Variants in DOCK4 observed in about 807,000 individuals in gnomAD.
DOCK4 encodes dedicator of cytokinesis 4, also known as dedicator of cytokinesis protein 4.
A neutral mutation model predicts 268.1 loss-of-function variants in DOCK4; 97 were observed. That is an observed-to-expected ratio of 0.36 (90% CI 0.31 to 0.43). The LOEUF is 0.43. Ranked by LOEUF, DOCK4 falls within the 20% of genes least tolerant of loss-of-function variation. DOCK4 has a pLI of 1.00. For missense variants in DOCK4, 2,145 were observed against 2,455.7 expected (o/e 0.87, Z 2.67); for synonymous variants, 954 against 887.2 (o/e 1.08, Z -1.34).
At chr7:112,057,867 A>G (rs1805977537) in intron 1 of DOCK4, among the ~76,000 whole-genome samples, 1 of 151,898 alleles carries the variant, frequency 6.6e-6, no homozygotes, top group Non-Finnish European at 1.5e-5. Flanking sequence ...AAGGTTTTAT[A>G]AAACTAAAAA....
At position 112,039,372 on chromosome 7, in the gene DOCK4, A is replaced by AT. The variant is rs564105311; in HGVS notation, c.38-35242dup. On this transcript the variant is annotated intron_variant, in intron 1 of 52. Coordinates refer to ENST00000428084, the MANE Select transcript of DOCK4 (RefSeq NM_001363540.2). ...CTGAAGGTTTTAAAGAGGATTTCAT[A>AT]TGGGGGGGGGGGCTTAAAGATGCAG... is the stretch of plus-strand genomic sequence containing the variant. 5.9e-3 allele frequency among the ~76,000 whole-genome samples: 657 copies of AT among 112,138 alleles called. 9 individuals are homozygous for AT. The highest frequency in any genetic ancestry group is 0.021 in the African/African-American group (594 of 27,990). The allele number at this position is 112,138 out of a possible 152,430, so 73.6% of individuals were successfully genotyped here.
intron 1 of DOCK4, among the ~76,000 whole-genome samples, chr7:112,187,867 T>C (rs1370644996): frequency 6.6e-6 from 1 of 152,120 alleles, no homozygotes; most frequent in Non-Finnish European, 1.5e-5. Context: ...TCCCTTTTTT[T>C]CACAACTGAA....
intron 2 of DOCK4, among the ~76,000 whole-genome samples, chr7:112,001,030 G>A (rs1394903919): frequency 7.9e-5 from 12 of 152,140 alleles, no homozygotes; most frequent in South Asian, 4.1e-4. Flanking sequence ...CAGTCATGAC[G>A]TGAATTGCAC....
intron 16 of DOCK4, among the ~76,000 whole-genome samples, chr7:111,877,811 G>A (rs1359811764): frequency 6.6e-6 from 1 of 152,148 alleles, no homozygotes; most frequent in Non-Finnish European, 1.5e-5. Context: ...TTTTAGTCAA[G>A]GATTGTTGCT....
At chr7:111,972,424 A>G (rs1797790823) in intron 8 of DOCK4, among the ~76,000 whole-genome samples, 1 of 152,012 alleles carries the variant, frequency 6.6e-6, no homozygotes, top group African/African-American at 2.4e-5. Flanking sequence ...TATTTAAAGC[A>G]CTTAGAACAG....
chr7:111,809,931 A>G (rs1175893916), intron 28 of DOCK4, among the ~76,000 whole-genome samples: 1 of 152,104 alleles, frequency 6.6e-6, no homozygotes, highest in Non-Finnish European at 1.5e-5. Context: ...AAGTTTTCTT[A>G]TACCAAAAAA....
intron 30 of DOCK4, among the ~76,000 whole-genome samples, chr7:111,795,829 G>A (rs1044178356): frequency 7.2e-5 from 11 of 152,096 alleles, no homozygotes; most frequent in Non-Finnish European, 1.5e-4. Flanking sequence ...GAATTCCCTT[G>A]GAATTTCCAT....
At chr7:111,796,556 G>T (rs927789747) in intron 30 of DOCK4, among the ~76,000 whole-genome samples, 1 of 152,106 alleles carries the variant, frequency 6.6e-6, no homozygotes, top group East Asian at 1.9e-4. Flanking sequence ...ATGGCCATTT[G>T]GTTTCTACGT....
chr7:111,800,235 A>C (rs998359861), intron 30 of DOCK4, among the ~76,000 whole-genome samples: 67 of 151,950 alleles, frequency 4.4e-4, no homozygotes, highest in African/African-American at 1.5e-3. Context: ...AAAAAAAAAA[A>C]ACAGCAACAA....
chr7:112,197,325 T>A (rs1166289974), intron 1 of DOCK4, among the ~76,000 whole-genome samples: 1 of 152,102 alleles, frequency 6.6e-6, no homozygotes, highest in Non-Finnish European at 1.5e-5. Context: ...TGTACAAATC[T>A]ATTGCTTTAT....
intron 3 of DOCK4, among the ~76,000 whole-genome samples, chr7:111,999,779 C>G (rs1364553386): frequency 2.1e-5 from 3 of 145,092 alleles, no homozygotes; most frequent in East Asian, 4.0e-4. Flanking sequence ...AGAATTAAAC[C>G]AAAAAAAAAA....
rs981930643 is a variant in DOCK4 at position 112,135,002 on chromosome 7, T to C, written c.37+71100A>G. Among the ~76,000 whole-genome samples, 4 of 152,186 alleles carry C rather than the reference T, an allele frequency of 2.6e-5. No homozygotes were observed. The East Asian group carries it at 5.8e-4, about 22-fold the overall frequency. On this transcript the variant is annotated intron_variant, in intron 1 of 52. Transcript: ENST00000428084. ...CCATTAAAACATATATGTGTGTGTG[T>C]GTGTATATATATGTATACACCAAAA...
chr7:111,739,797 C>T (rs899791112), intron 47 of DOCK4: 45 of 370,546 alleles, frequency 1.2e-4, no homozygotes, highest in Non-Finnish European at 1.8e-4. Context: ...CAGGCGAGTG[C>T]GTCTAAAAGG....
At chr7:112,124,222 T>G (rs1457163013) in intron 1 of DOCK4, among the ~76,000 whole-genome samples, 1 of 152,092 alleles carries the variant, frequency 6.6e-6, no homozygotes, top group African/African-American at 2.4e-5. Context: ...GATCCTGTTT[T>G]GTCGTCCAGG....
intron 1 of DOCK4, among the ~76,000 whole-genome samples, chr7:112,183,036 T>C (rs935716247): frequency 6.6e-6 from 1 of 152,194 alleles, no homozygotes; most frequent in Non-Finnish European, 1.5e-5. Flanking sequence ...TACACTCCCC[T>C]AGACTAAGTT....
At chr7:112,179,520 T>C (rs1190165040) in intron 1 of DOCK4, among the ~76,000 whole-genome samples, 3 of 128,638 alleles carry the variant, frequency 2.3e-5, no homozygotes, top group African/African-American at 1.3e-4. Context: ...AAGGTGTTGT[T>C]TTTTTGTTTT....
chr7:112,108,945 C>T (rs1054919121), intron 1 of DOCK4, among the ~76,000 whole-genome samples: 1 of 152,014 alleles, frequency 6.6e-6, no homozygotes, highest in Admixed American at 6.5e-5. Context: ...TGACAAATCT[C>T]TTCCAGTATC....
intron 1 of DOCK4, among the ~76,000 whole-genome samples, chr7:112,183,416 C>A (rs1207310235): frequency 6.6e-6 from 1 of 152,130 alleles, no homozygotes; most frequent in Non-Finnish European, 1.5e-5. Flanking sequence ...ATGAGAAAAG[C>A]ATTCCAGGCT....
At position 111,969,013 on chromosome 7, in the gene DOCK4, G is replaced by GATCAC. The variant is rs1349149371; in HGVS notation, c.701+8114_701+8118dup. ...CTCATAGGTGGGAATTGAACAATGA[G>GATCAC]ATCACATGGACACAGGAAGGGGAAT... On this transcript the variant is annotated intron_variant, in intron 8 of 52. Coordinates refer to ENST00000428084, the MANE Select transcript of DOCK4 (RefSeq NM_001363540.2). Among the ~76,000 whole-genome samples, 648 of 97,266 alleles carry GATCAC rather than the reference G, an allele frequency of 6.7e-3. 3 individuals carry two copies. The highest frequency in any genetic ancestry group is 0.028 in the African/African-American group (610 of 21,432). 63.8% of individuals were successfully genotyped at this position (97,266 alleles called of 152,430 possible).
Sources: allele counts gnomAD v4.1 joint callset (sites outside exome capture counted in the v4.1 genomes callset), GRCh38; gene constraint gnomAD v4.1.1; transcripts MANE v1.5; gene names NCBI Gene and HGNC (gene_info 2026-07-23, HGNC 2026-07-21).